Variants in PALM2AKAP2 observed in about 807,000 individuals in gnomAD.
PALM2AKAP2 encodes the protein PALM2-AKAP2 fusion protein.
In PALM2AKAP2, 37 loss-of-function variants were observed where a neutral mutation model predicts 71.5. The ratio of observed to expected loss-of-function variants is 0.52; its 90% confidence interval spans 0.40 to 0.68. PALM2AKAP2 has a LOEUF of 0.68. Ranked by LOEUF, PALM2AKAP2 falls within the 30% of genes least tolerant of loss-of-function variation. The probability of loss-of-function intolerance (pLI) is 0.00; values close to 1 mark genes in which losing one functional copy is unlikely to be tolerated. For missense variants in PALM2AKAP2, 1,224 were observed against 1,191.8 expected, an observed-to-expected ratio of 1.03 and a Z score of -0.40; for synonymous variants, 468 against 478.8, an observed-to-expected ratio of 0.98 and a Z score of 0.29.
chr9:109,865,883 A>C (rs1829436387), intron 1 of PALM2AKAP2, among the ~76,000 whole-genome samples: 1 of 152,176 alleles, frequency 6.6e-6, no homozygotes. Context: ...GCCATCTCTG[A>C]GATGGTGGAT....
At chr9:109,875,842 G>A (rs894693099) in intron 2 of PALM2AKAP2, among the ~76,000 whole-genome samples, 1 of 152,190 alleles carries the variant, frequency 6.6e-6, no homozygotes, top group African/African-American at 2.4e-5. Context: ...GGCCAGTAGA[G>A]CCAGAAACAG....
chr9:109,896,368 A>G (rs1394561835), intron 3 of PALM2AKAP2, among the ~76,000 whole-genome samples: 2 of 151,804 alleles, frequency 1.3e-5, no homozygotes, highest in Admixed American at 6.6e-5. Context: ...CAACGAAACC[A>G]TATCAAATAT....
At position 110,109,064 on chromosome 9, in the gene PALM2AKAP2, TC is replaced by T. The variant is rs533687948; in HGVS notation, c.157-27060del. ...CCGGCGCGGTGGCTCATGCCTGTAA[TC>T]CCAGCACTTTGGGAGGCCGAGGCAG... On this transcript the variant is annotated intron_variant, in intron 1 of 3. Transcript: ENST00000374525. 1.9e-3 allele frequency among the ~76,000 whole-genome samples: 285 copies of T among 152,192 alleles called. 1 individual carries two copies. Among genetic ancestry groups the T allele is most frequent in the African/African-American group, 6.4e-3 (267 of 41,514 alleles).
At chr9:110,047,121 T>C (rs1215857329), upstream of PALM2AKAP2, among the ~76,000 whole-genome samples, 1 of 152,046 alleles carries the variant, frequency 6.6e-6, no homozygotes, top group Non-Finnish European at 1.5e-5. Context: ...GAAGAAAAAG[T>C]TGAGTCAAGG....
intron 6 of PALM2AKAP2, among the ~76,000 whole-genome samples, chr9:109,952,224 G>A (rs1277431621): frequency 1.3e-5 from 2 of 152,178 alleles, no homozygotes; most frequent in Non-Finnish European, 2.9e-5. Flanking sequence ...TGCTGGGTCC[G>A]ATTTGGCCTA....
intron 1 of PALM2AKAP2, among the ~76,000 whole-genome samples, chr9:109,800,207 C>T (rs1479977968): frequency 6.6e-6 from 1 of 152,168 alleles, no homozygotes; most frequent in African/African-American, 2.4e-5. Flanking sequence ...ATCAGAGGAG[C>T]ATATTTCAAG....
chr9:109,921,182 A>G (rs1469708910), intron 3 of PALM2AKAP2, among the ~76,000 whole-genome samples: 1 of 152,222 alleles, frequency 6.6e-6, no homozygotes, highest in Non-Finnish European at 1.5e-5. Flanking sequence ...TGAAAGTCTT[A>G]TCTTGGCTGG....
At chr9:109,902,643 G>A (rs560457312) in intron 3 of PALM2AKAP2, among the ~76,000 whole-genome samples, 1 of 152,370 alleles carries the variant, frequency 6.6e-6, no homozygotes, top group South Asian at 2.1e-4. Context: ...ATGCATTGAT[G>A]AATGTATTCA....
chr9:109,969,087 T>TACACACACACACACACACAC lies in PALM2AKAP2; in HGVS notation c.496+37059_496+37060insACACACACACACACACACAC, dbSNP rs1344797291. Among the ~76,000 whole-genome samples, 14 of 46,066 alleles carry TACACACACACACACACACAC rather than the reference T, an allele frequency of 3.0e-4. 1 individual carries two copies. The East Asian group carries it at 0.012, about 38-fold the overall frequency. 30.2% of individuals were successfully genotyped at this position (46,066 alleles called of 152,430 possible). On this transcript the variant is annotated intron_variant, in intron 6 of 9. Coordinates refer to the PALM2AKAP2 transcript ENST00000302798. Reference sequence around the variant, plus strand: ...TTTCCTGCACCTCTACAAATGTGCGTGCACACACACACACACACACACACA... The same window carrying TACACACACACACACACACAC: ...TTTCCTGCACCTCTACAAATGTGCGTACACACACACACACACACACGCACACACACACACACACACACACA...
chr9:110,159,080 C>T (rs1397825706), intron 3 of PALM2AKAP2, among the ~76,000 whole-genome samples: 4 of 152,100 alleles, frequency 2.6e-5, no homozygotes, highest in Admixed American at 2.0e-4. Context: ...AATCTGTGGC[C>T]CCTTTTCCAT....
chr9:110,073,166 T>G (rs954731489), intron 1 of PALM2AKAP2, among the ~76,000 whole-genome samples: 1 of 152,222 alleles, frequency 6.6e-6, no homozygotes, highest in African/African-American at 2.4e-5. Flanking sequence ...GAATGAGTCT[T>G]TAGTGCGAAG....
At chr9:109,676,174 C>T (rs1174207597) in intron 1 of PALM2AKAP2, among the ~76,000 whole-genome samples, 3 of 152,178 alleles carry the variant, frequency 2.0e-5, no homozygotes, top group Non-Finnish European at 4.4e-5. Context: ...AGCAAGAGTT[C>T]CTCACTTCCT....
At chr9:109,960,395 T>A (rs993257457) in intron 6 of PALM2AKAP2, among the ~76,000 whole-genome samples, 1 of 152,200 alleles carries the variant, frequency 6.6e-6, no homozygotes, top group Non-Finnish European at 1.5e-5. Context: ...CCAAAATGGA[T>A]CAGTAGCAGC....
intron 3 of PALM2AKAP2, among the ~76,000 whole-genome samples, chr9:109,889,392 G>A (rs1830037673): frequency 6.6e-6 from 1 of 152,166 alleles, no homozygotes. Context: ...TCTCCCCAAA[G>A]CCTGAAAGTG....
chr9:110,107,659 C>T (rs934183896), intron 1 of PALM2AKAP2, among the ~76,000 whole-genome samples: 5 of 152,162 alleles, frequency 3.3e-5, no homozygotes, highest in Admixed American at 2.0e-4. Context: ...TTCCTCCTCC[C>T]GGGTTCAAGC....
chr9:109,695,295 C>T (rs950588803), intron 1 of PALM2AKAP2, among the ~76,000 whole-genome samples: 1 of 152,128 alleles, frequency 6.6e-6, no homozygotes, highest in Non-Finnish European at 1.5e-5. Context: ...TAACTGATTT[C>T]GTTTCTTTTG....
intron 6 of PALM2AKAP2, among the ~76,000 whole-genome samples, chr9:109,940,652 G>T (rs905516221): frequency 3.3e-5 from 5 of 152,152 alleles, no homozygotes; most frequent in African/African-American, 4.8e-5. Context: ...ATCTCTAGAA[G>T]TTTGGAGGAG....
intron 3 of PALM2AKAP2, among the ~76,000 whole-genome samples, chr9:109,908,803 C>CGT (rs1442644358): frequency 8.4e-6 from 1 of 118,898 alleles, no homozygotes; most frequent in African/African-American, 3.5e-5. Flanking sequence ...TGTATGGATG[C>CGT]GTGTGCACAC....
intron 1 of PALM2AKAP2, among the ~76,000 whole-genome samples, chr9:110,135,174 T>TATATATATATATATATATATATAG (rs1835829457): frequency 1.3e-5 from 1 of 76,146 alleles, no homozygotes; most frequent in Non-Finnish European, 2.7e-5. Context: ...AATATATAAA[T>TATATATATATATATATATATATAG]ATATATATAT....
Sources: allele counts gnomAD v4.1 joint callset (sites outside exome capture counted in the v4.1 genomes callset), GRCh38; gene constraint gnomAD v4.1.1; transcripts MANE v1.5; gene names NCBI Gene and HGNC (gene_info 2026-07-23, HGNC 2026-07-21).